The following WDFY4 variants were observed in gnomAD, a reference collection of about 807,000 sequenced individuals.
The protein encoded by WDFY4 is WDFY family member 4.
Under a neutral mutation model 351.9 loss-of-function variants are expected in WDFY4, and 169 were observed. The observed-to-expected ratio is 0.48, with a 90% confidence interval of 0.42 to 0.55. The LOEUF is 0.55. Ranked by LOEUF, WDFY4 falls within the 20% of genes least tolerant of loss-of-function variation. The probability of loss-of-function intolerance (pLI) is 0.00; values close to 1 mark genes in which losing one functional copy is unlikely to be tolerated. For synonymous variants in WDFY4, 1,622 were observed against 1,574.6 expected (o/e 1.03, Z -0.71); for missense variants, 3,803 against 3,935.6 (o/e 0.97, Z 0.90).
chr10:48,952,840 G>C (rs751276940), intron 51 of WDFY4, among the ~76,000 whole-genome samples: 2 of 152,192 alleles, frequency 1.3e-5, no homozygotes, highest in Non-Finnish European at 2.9e-5. Context: ...GCTTCCCAAC[G>C]CCATGAGGGT....
At chr10:48,857,469 G>A (rs373799667) in intron 39 of WDFY4, among the ~76,000 whole-genome samples, 1 of 151,284 alleles carries the variant, frequency 6.6e-6, no homozygotes, top group African/African-American at 2.4e-5. Context: ...GGCCTTCAAT[G>A]CAATTTCAAC....
At chr10:48,783,133 T>C (rs548235384) in intron 19 of WDFY4, among the ~76,000 whole-genome samples, 1 of 152,174 alleles carries the variant, frequency 6.6e-6, no homozygotes, top group Non-Finnish European at 1.5e-5. Context: ...AATACAGTCA[T>C]CCCTCAGTTT....
At chr10:48,790,959 G>A in intron 23 of WDFY4, 42 bp downstream of exon 23, 2 of 1,546,048 alleles carry the variant, frequency 1.3e-6, no homozygotes, top group Non-Finnish European at 1.7e-6. Context: ...TCCTGAAAGG[G>A]CTGTCATCCC....
At chr10:48,923,186 A>G (rs1484881622) in intron 47 of WDFY4, among the ~76,000 whole-genome samples, 1 of 152,130 alleles carries the variant, frequency 6.6e-6, no homozygotes, top group African/African-American at 2.4e-5. Context: ...TGCCCCTGAA[A>G]GGGCATCCAA....
intron 39 of WDFY4, among the ~76,000 whole-genome samples, chr10:48,856,547 A>G (rs1246576119): frequency 2.0e-5 from 3 of 152,262 alleles, no homozygotes; most frequent in South Asian, 4.1e-4. Context: ...GGTTTGTTAC[A>G]TAGGTATACA....
At chr10:48,788,188 C>T (rs1210849500) in intron 20 of WDFY4, among the ~76,000 whole-genome samples, 1 of 151,840 alleles carries the variant, frequency 6.6e-6, no homozygotes, top group Non-Finnish European at 1.5e-5. Flanking sequence ...CCACCATGCC[C>T]AGCTGATTTT....
At chr10:48,824,294 G>GT (rs2067924441) in intron 35 of WDFY4, 1 of 628,592 alleles carries the variant, frequency 1.6e-6, no homozygotes, top group Non-Finnish European at 2.0e-6. Flanking sequence ...CGTCTATGGT[G>GT]TTTTTATGAC....
chr10:48,871,064 G>A (rs2069757226), intron 40 of WDFY4, among the ~76,000 whole-genome samples: 3 of 152,082 alleles, frequency 2.0e-5, no homozygotes, highest in Admixed American at 2.0e-4. Flanking sequence ...CTCCAGAGTA[G>A]CTGGGACTAC....
At chr10:48,844,985 T>C (rs1204310463) in intron 39 of WDFY4, among the ~76,000 whole-genome samples, 1 of 151,806 alleles carries the variant, frequency 6.6e-6, no homozygotes, top group Non-Finnish European at 1.5e-5. Flanking sequence ...TCCAAGGAGG[T>C]GATAATGAGA....
intron 2 of WDFY4, 49 bp downstream of exon 2, chr10:48,710,015 A>G (rs1352404457): frequency 2.1e-6 from 3 of 1,463,160 alleles, no homozygotes; most frequent in African/African-American, 2.8e-5. Flanking sequence ...GCTCTGGGAC[A>G]CTTCTGGGAT....
intron 49 of WDFY4, 94 bp downstream of exon 49, chr10:48,943,543 G>C: frequency 7.4e-7 from 1 of 1,348,614 alleles, no homozygotes; most frequent in Non-Finnish European, 9.8e-7. Context: ...CTGCTAGGAG[G>C]TTCCGTCACA....
intron 2 of WDFY4, among the ~76,000 whole-genome samples, chr10:48,712,433 T>C (rs1179133819): frequency 6.6e-6 from 1 of 152,226 alleles, no homozygotes; most frequent in Admixed American, 6.5e-5. Flanking sequence ...CTACTCTGGA[T>C]CCCTGGAACC....
At chr10:48,914,189 G>T (rs375199003) in intron 47 of WDFY4, 7 of 1,589,082 alleles carry the variant, frequency 4.4e-6, no homozygotes, top group East Asian at 4.5e-5. Flanking sequence ...GAAGTTTATT[G>T]TTCTGATTGG....
chr10:48,788,561 T>C lies in WDFY4; in HGVS notation c.3840T>C (p.Phe1280=), dbSNP rs1400104754. The change falls in exon 21 of 62, where the codon TTT becomes TTC. Residue 1280 remains phenylalanine, a synonymous_variant. Coordinates refer to ENST00000325239, the MANE Select transcript of WDFY4 (RefSeq NM_001394531.1). ...GEDLDSEATP[F]VAEERVSFGL... The stretch of plus-strand genomic sequence containing the variant: ...ACCTGGACAGTGAAGCCACGCCCTT[T>C]GTTGCAGAAGAAAGAGTTTCTTTTG... The C allele has an allele frequency of 6.4e-7, 1 of 1,552,092 alleles. No individual in the cohort carries two copies. The highest frequency in any genetic ancestry group is 8.7e-7 in the Non-Finnish European group (1 of 1,147,060).
At chr10:48,875,831 C>A (rs1277632068) in intron 42 of WDFY4, among the ~76,000 whole-genome samples, 11 of 152,228 alleles carry the variant, frequency 7.2e-5, no homozygotes. Context: ...GGATCTTGGG[C>A]TCTGATCCCC....
In WDFY4 at chr10:48,735,999, A is replaced by T. The variant is rs1312697174; in HGVS notation, c.1807A>T (p.Met603Leu). 6.4e-7 allele frequency: 1 copy of T among 1,551,792 alleles called. No homozygotes were observed. The highest frequency in any genetic ancestry group is 8.7e-7 in the Non-Finnish European group (1 of 1,147,066). Residue 603 changes from methionine (M) to leucine (L), a missense_variant, in exon 11 of 62, where the codon ATG becomes TTG. Transcript: ENST00000325239. ...QLSAINAEEY[M>L]SIIVGALCSS... ...CTCAGCCATCAACGCCGAGGAGTACATGAGCATCATTGTGGGTGCTCTATG... is the reference window on the plus strand; with the variant it reads ...CTCAGCCATCAACGCCGAGGAGTACTTGAGCATCATTGTGGGTGCTCTATG...
rs181689603 is a variant in WDFY4 at position 48,909,140 on chromosome 10, A to T, written c.7586+7277A>T. ...TCGCTGAGTAGTATTCCATGATAGA[A>T]ATATACCAGTTTGTTTAACAATTTG... On this transcript the variant is annotated intron_variant, in intron 47 of 61. Coordinates refer to ENST00000325239, the MANE Select transcript of WDFY4 (RefSeq NM_001394531.1). Among the ~76,000 whole-genome samples the T allele has an allele frequency of 3.1e-3, 472 of 152,324 alleles. 3 individuals are homozygous for T. The highest frequency in any genetic ancestry group is 0.011 in the African/African-American group (439 of 41,566).
chr10:48,948,560 G>A (rs1413650887), intron 51 of WDFY4, among the ~76,000 whole-genome samples: 2 of 152,210 alleles, frequency 1.3e-5, no homozygotes, highest in Non-Finnish European at 2.9e-5. Flanking sequence ...ATCGGGAGGA[G>A]ACAGAGTGAA....
Position 48,810,587 on chromosome 10 carries a change from G to A in WDFY4, c.4896G>A (p.Gln1632=). 6.4e-7 allele frequency: 1 copy of A among 1,551,728 alleles called. No individual in the cohort carries two copies. The highest frequency in any genetic ancestry group is 1.2e-5 in the South Asian group (1 of 84,058). The change falls in exon 29 of 62, where the codon CAG becomes CAA. Residue 1632 remains glutamine, a synonymous_variant. Coordinates refer to ENST00000325239, the MANE Select transcript of WDFY4 (RefSeq NM_001394531.1). ...CTGACTGGTTCCTGCTGCTCCTGCA[G>A]GGCCACCTGCATGCCAGCACCACTG... ...LGPDWFLLLL[Q]GHLHASTTVL...
Sources: allele counts gnomAD v4.1 joint callset (sites outside exome capture counted in the v4.1 genomes callset), GRCh38; gene constraint gnomAD v4.1.1; transcripts MANE v1.5; gene names NCBI Gene and HGNC (gene_info 2026-07-23, HGNC 2026-07-21).